Variants in LRBA observed in about 807,000 individuals in gnomAD.
The protein encoded by LRBA is LPS responsive beige-like anchor protein, also known as lipopolysaccharide-responsive and beige-like anchor protein.
LRBA carries 176 observed loss-of-function variants against 330.0 expected under a neutral mutation model. The observed-to-expected ratio is 0.53, with a 90% CI of 0.47 to 0.60. LRBA has a LOEUF of 0.60. Ranked by LOEUF, LRBA falls within the 20% of genes least tolerant of loss-of-function variation. The pLI, the probability that LRBA is intolerant of heterozygous loss-of-function variation, is 0.00. For synonymous variants in LRBA, 1,230 were observed against 1,193.0 expected, an observed-to-expected ratio of 1.03 and a Z score of -0.64; for missense variants, 3,259 against 3,444.8, an observed-to-expected ratio of 0.95 and a Z score of 1.35.
intron 34 of LRBA, among the ~76,000 whole-genome samples, chr4:150,797,620 TG>T (rs1179113466): frequency 6.6e-6 from 1 of 152,060 alleles, no homozygotes; most frequent in Non-Finnish European, 1.5e-5. Flanking sequence ...GCCACATTTT[TG>T]TTAATGTTTT....
chr4:150,334,221 TAA>T (rs925981808), intron 48 of LRBA, among the ~76,000 whole-genome samples: 136 of 152,064 alleles, frequency 8.9e-4, no homozygotes, highest in African/African-American at 3.2e-3. Flanking sequence ...AGCATAAACA[TAA>T]GAGATAAATA....
In LRBA at chr4:150,285,974, G is replaced by C; in HGVS notation, c.8078C>G (p.Ala2693Gly). Residue 2693 changes from alanine (A) to glycine (G), a missense_variant, in exon 54 of 57, where the codon GCG becomes GGG. Transcript: ENST00000651943. Reference protein sequence around the residue: ...TGHDYEVTCAAVCAELGLVLS... With the variant: ...TGHDYEVTCAGVCAELGLVLS... ...CACCAGGCCTAGCTCCGCACACACC[G>C]CAGCACATGTGACCTCATAGTCATG... 1 of 1,599,042 alleles carries C rather than the reference G, an allele frequency of 6.3e-7. No individual in the cohort carries two copies. The highest frequency in any genetic ancestry group is 1.1e-5 in the South Asian group (1 of 88,058).
chr4:151,007,392 C>T (rs938562949), intron 2 of LRBA, among the ~76,000 whole-genome samples: 2 of 151,772 alleles, frequency 1.3e-5, no homozygotes, highest in South Asian at 2.1e-4. Flanking sequence ...ATAGTCCCAG[C>T]TACTTGGGAG....
chr4:150,588,109 G>T lies in LRBA; in HGVS notation c.6269C>A (p.Ser2090Tyr), dbSNP rs1416458995. ...ATCCACCTCAAAATAGAGTTCGGAG[G>T]AGGTGACAGAAAGAGTGCCCTTTAC... ...VVVKGTLSVT[S>Y]SELYFEVDEE... The change falls in exon 40 of 57, where the codon TCC (serine) becomes TAC (tyrosine). Residue 2090 changes from serine (S) to tyrosine (Y), a missense_variant. Coordinates refer to ENST00000651943, the MANE Select transcript of LRBA (RefSeq NM_001364905.1). The T allele has an allele frequency of 6.2e-7, 1 of 1,612,762 alleles. No homozygotes were observed. Among genetic ancestry groups the T allele is most frequent in the Admixed American group, 1.7e-5 (1 of 59,838 alleles).
In LRBA at chr4:150,346,051, T is replaced by A. The variant is rs148182806; in HGVS notation, c.7362+3941A>T. On this transcript the variant is annotated intron_variant, in intron 48 of 56. Coordinates refer to ENST00000651943, the MANE Select transcript of LRBA (RefSeq NM_001364905.1). ...TTGAACCCCTGGACTCAAGTGATCC[T>A]CCTGCCGTGGCCTTCCAAAATGCTG... is the stretch of plus-strand genomic sequence containing the variant. Among the ~76,000 whole-genome samples the A allele has an allele frequency of 5.9e-3, 892 of 152,260 alleles. 4 individuals are homozygous for A. The highest frequency in any genetic ancestry group is 9.7e-3 in the Non-Finnish European group (661 of 68,012).
intron 37 of LRBA, among the ~76,000 whole-genome samples, chr4:150,608,246 C>G (rs79210251): frequency 3.5e-3 from 535 of 152,172 alleles, no homozygotes; most frequent in African/African-American, 0.012. Context: ...ACTGGTTAGT[C>G]TTGGGAGTCA....
rs764470940 is a variant in LRBA, at chr4:150,852,478, C to T, written c.3232G>A (p.Val1078Ile). ...TGKDSMTVSE[V>I]TASISSPSEE... The stretch of plus-strand genomic sequence containing the variant: ...GAAGGAGAACTTATAGAAGCAGTTA[C>T]TTCACTGACAGTCATTGAATCTTTG... The change falls in exon 23 of 57, where the codon GTA becomes ATA. Residue 1078 changes from valine to isoleucine, a missense_variant. Val to Ile is a conservative substitution (Grantham distance 29, BLOSUM62 3). Transcript: ENST00000651943. The T allele has an allele frequency of 3.1e-6, 5 of 1,613,712 alleles. No individual in the cohort carries two copies. In the South Asian group the frequency reaches 4.4e-5, roughly 14 times the overall value.
intron 34 of LRBA, among the ~76,000 whole-genome samples, chr4:150,766,063 T>G (rs1735723173): frequency 6.6e-6 from 1 of 152,078 alleles, no homozygotes; most frequent in South Asian, 2.1e-4. Context: ...CTCAAATTTA[T>G]TACTAGTAAT....
At chr4:150,559,809 TATA>T (rs1445003131) in intron 40 of LRBA, among the ~76,000 whole-genome samples, 1,223 of 74,086 alleles carry the variant, frequency 0.017, 36 homozygotes, top group African/African-American at 0.059. Context: ...ATATGTTATA[TATA>T]ATAATATATA....
chr4:150,882,529 A>G (rs1195413280), intron 17 of LRBA, among the ~76,000 whole-genome samples: 2 of 152,232 alleles, frequency 1.3e-5, no homozygotes, highest in African/African-American at 4.8e-5. Context: ...CATGAAGAAC[A>G]ATATTCAAAT....
chr4:150,669,960 T>C lies in LRBA; in HGVS notation c.5921+13591A>G, dbSNP rs570792133. ...CTTCTCAGTGCATCACATCAGGTGG[T>C]ATATGATGTCAAGAAGTCTTCTTAC... On this transcript the variant is annotated intron_variant, in intron 37 of 56. Coordinates refer to ENST00000651943, the MANE Select transcript of LRBA (RefSeq NM_001364905.1). 4.6e-5 allele frequency among the ~76,000 whole-genome samples: 7 copies of C among 152,306 alleles called. No homozygotes were observed. In the South Asian group the frequency reaches 1.2e-3, roughly 27 times the overall value.
At position 150,579,994 on chromosome 4, in the gene LRBA, C is replaced by T. The variant is rs1305354173; in HGVS notation, c.6330+8054G>A. ...CCCCTCCCGGCCAGTCGCGCTCTCC[C>T]GGCAGCGCAGTGCCCTCCGGCCCAG... On this transcript the variant is annotated intron_variant, in intron 40 of 56. Transcript: ENST00000651943. The T allele has an allele frequency of 5.7e-5, 18 of 313,872 alleles. No homozygotes were observed. In the Admixed American group the frequency reaches 7.9e-4, roughly 14 times the overall value. 19.4% of individuals were successfully genotyped at this position (313,872 alleles called of 1,614,324 possible).
At position 150,900,195 on chromosome 4, in the gene LRBA, T is replaced by C. The variant is rs1324355758; in HGVS notation, c.1778A>G (p.Tyr593Cys). 3 of 1,612,492 alleles carry C rather than the reference T, an allele frequency of 1.9e-6. No homozygotes were observed. Among genetic ancestry groups the C allele is most frequent in the Non-Finnish European group, 2.5e-6 (3 of 1,179,140 alleles). Residue 593 changes from tyrosine (Y) to cysteine (C), a missense_variant, in exon 14 of 57, where the codon TAT becomes TGT. By Grantham distance (194) the Tyr-to-Cys change is radical. Transcript: ENST00000651943. ...TGTACCAATGAATTCCGTGGACAGA[T>C]AAGTATAGAGCATCAGTTGAACCTA... The part of the protein sequence containing the change: ...PAKVQLMLYT[Y>C]LSTEFIGTVN...
chr4:150,666,439 G>A (rs1781562316), intron 37 of LRBA, among the ~76,000 whole-genome samples: 1 of 152,022 alleles, frequency 6.6e-6, no homozygotes, highest in African/African-American at 2.4e-5. Flanking sequence ...TTGAACCTGG[G>A]AGGTGGAGGT....
In LRBA at chr4:150,928,911, T is replaced by C. The variant is rs949161020; in HGVS notation, c.371A>G (p.Asn124Ser). 6.2e-7 allele frequency: 1 copy of C among 1,614,122 alleles called. No homozygotes were observed. The highest frequency in any genetic ancestry group is 8.5e-7 in the Non-Finnish European group (1 of 1,179,996). Residue 124 changes from asparagine (N) to serine (S), a missense_variant, in exon 3 of 57, where the codon AAT becomes AGT. By Grantham distance (46) the Asn-to-Ser change is conservative. Coordinates refer to ENST00000651943, the MANE Select transcript of LRBA (RefSeq NM_001364905.1). ...GCCTACTTCAGTGCAGACTTGAAGA[T>C]TCCGTATGCTTTTCTTCAGAATGGC... Reference protein sequence around the residue: ...FTAILKKSIRNLQVCTEVGLV... With the variant: ...FTAILKKSIRSLQVCTEVGLV...
chr4:150,323,444 T>C (rs938857578), intron 49 of LRBA, among the ~76,000 whole-genome samples: 1 of 152,202 alleles, frequency 6.6e-6, no homozygotes, highest in Non-Finnish European at 1.5e-5. Context: ...TCAAATTGAA[T>C]AGTTCCAATG....
At chr4:150,468,885 G>A (rs1755767666) in intron 43 of LRBA, among the ~76,000 whole-genome samples, 1 of 151,130 alleles carries the variant, frequency 6.6e-6, no homozygotes, top group African/African-American at 2.4e-5. Context: ...GGCCTATTAG[G>A]GTAACAGAGT....
At chr4:150,673,420 G>A (rs892960108) in intron 37 of LRBA, among the ~76,000 whole-genome samples, 6 of 152,044 alleles carry the variant, frequency 3.9e-5, no homozygotes, top group Non-Finnish European at 8.8e-5. Context: ...ACAGATAGAG[G>A]AATAAAACAT....
intron 37 of LRBA, among the ~76,000 whole-genome samples, chr4:150,636,261 C>A (rs1035917871): frequency 6.7e-6 from 1 of 149,186 alleles, no homozygotes; most frequent in Non-Finnish European, 1.5e-5. Flanking sequence ...TTCTGATCTT[C>A]ATCAAACTTT....
Sources: allele counts gnomAD v4.1 joint callset (sites outside exome capture counted in the v4.1 genomes callset), GRCh38; gene constraint gnomAD v4.1.1; transcripts MANE v1.5; gene names NCBI Gene and HGNC (gene_info 2026-07-23, HGNC 2026-07-21).